The following COMMD10 variants were observed in gnomAD, a reference collection of about 807,000 sequenced individuals.
COMMD10 encodes COMM domain-containing protein 10.
A neutral mutation model predicts 28.9 loss-of-function variants in COMMD10; 33 were observed. The observed-to-expected ratio is 1.14, with a 90% CI of 0.87 to 1.53. COMMD10 has a LOEUF of 1.53. COMMD10 is among the 40% of genes most tolerant of loss of function. The probability of loss-of-function intolerance (pLI) is 0.00; values close to 1 mark genes in which losing one functional copy is unlikely to be tolerated. For synonymous variants in COMMD10, 110 were observed against 81.7 expected (o/e 1.35, Z -1.87); for missense variants, 310 against 233.4 (o/e 1.33, Z -2.14).
chr5:116,219,054 G>T (rs1749176847), intron 5 of COMMD10, among the ~76,000 whole-genome samples: 1 of 152,092 alleles, frequency 6.6e-6, no homozygotes, highest in Admixed American at 6.6e-5. Flanking sequence ...GCTACCAGGT[G>T]TCTGCTTTAA....
chr5:116,178,381 AC>A (rs755406271), intron 5 of COMMD10, among the ~76,000 whole-genome samples: 4 of 152,114 alleles, frequency 2.6e-5, no homozygotes, highest in Non-Finnish European at 4.4e-5. Flanking sequence ...CTTAAACAAA[AC>A]TTACTTTATA....
In COMMD10 at chr5:116,261,168, AT is replaced by A. The variant is rs1335519628; in HGVS notation, c.511-30346del. On this transcript the variant is annotated intron_variant, in intron 5 of 6. Coordinates refer to ENST00000274458, the MANE Select transcript of COMMD10 (RefSeq NM_016144.4). ...CAGGAAGAAAACTATAACTAATTAAATTTCTCAGTACTACCTAATTTGCCAA... is the reference window on the plus strand; with the variant it reads ...CAGGAAGAAAACTATAACTAATTAAATTCTCAGTACTACCTAATTTGCCAA... 6.6e-5 allele frequency among the ~76,000 whole-genome samples: 10 copies of A among 151,914 alleles called. No homozygotes were observed. In the South Asian group the frequency reaches 1.7e-3, roughly 25 times the overall value.
intron 5 of COMMD10, among the ~76,000 whole-genome samples, chr5:116,196,328 G>T (rs531057456): frequency 9.9e-5 from 15 of 152,016 alleles, no homozygotes; most frequent in Non-Finnish European, 2.2e-4. Context: ...TGATACAGTG[G>T]ACTTCGAGGA....
chr5:116,263,387 A>G (rs1235591714), intron 5 of COMMD10, among the ~76,000 whole-genome samples: 2 of 151,772 alleles, frequency 1.3e-5, no homozygotes, highest in Non-Finnish European at 2.9e-5. Flanking sequence ...AGACAAGGAA[A>G]AAATATTTAA....
At chr5:116,272,273 TAA>T (rs1200187846) in intron 5 of COMMD10, among the ~76,000 whole-genome samples, 1 of 151,704 alleles carries the variant, frequency 6.6e-6, no homozygotes, top group African/African-American at 2.4e-5. Flanking sequence ...GATCAGGAAA[TAA>T]AAAGTCAGAG....
At chr5:116,215,961 G>C (rs1159735957) in intron 5 of COMMD10, among the ~76,000 whole-genome samples, 1 of 151,548 alleles carries the variant, frequency 6.6e-6, no homozygotes, top group African/African-American at 2.4e-5. Context: ...TTAATATAGA[G>C]GTCAAAATAG....
chr5:116,103,646 C>T (rs1380990585), intron 4 of COMMD10, among the ~76,000 whole-genome samples: 1 of 152,206 alleles, frequency 6.6e-6, no homozygotes, highest in Non-Finnish European at 1.5e-5. Context: ...TTTTGCTGGG[C>T]AGAAGCCCTT....
chr5:116,215,716 ATATATATATATATATG>A (rs1284224332), intron 5 of COMMD10, among the ~76,000 whole-genome samples: 1 of 114,394 alleles, frequency 8.7e-6, no homozygotes, highest in Non-Finnish European at 1.8e-5. Context: ...ATATATATAT[ATATATATATATATATG>A]TATATATAAT....
chr5:116,227,553 C>A (rs928801527), intron 5 of COMMD10, among the ~76,000 whole-genome samples: 16 of 152,056 alleles, frequency 1.1e-4, no homozygotes, highest in African/African-American at 3.4e-4. Flanking sequence ...GTCTCCTCTG[C>A]CACAGGTAAT....
chr5:116,175,867 GGGGGAAT>G (rs1452621754), intron 5 of COMMD10, among the ~76,000 whole-genome samples: 1 of 152,092 alleles, frequency 6.6e-6, no homozygotes, highest in Non-Finnish European at 1.5e-5. Flanking sequence ...CTAGAGGCCA[GGGGGAAT>G]GAGGAGTAGG....
chr5:116,274,349 T>A (rs1750845185), intron 5 of COMMD10, among the ~76,000 whole-genome samples: 1 of 152,002 alleles, frequency 6.6e-6, no homozygotes, highest in South Asian at 2.1e-4. Context: ...TCTTTAAATT[T>A]GCAGACTATA....
At chr5:116,149,421 G>A (rs1752443868) in intron 5 of COMMD10, among the ~76,000 whole-genome samples, 1 of 148,404 alleles carries the variant, frequency 6.7e-6, no homozygotes, top group Non-Finnish European at 1.5e-5. Flanking sequence ...GATCCCTGAG[G>A]AATCGCCACA....
intron 5 of COMMD10, among the ~76,000 whole-genome samples, chr5:116,189,501 C>T (rs1427173003): frequency 1.3e-5 from 2 of 152,114 alleles, no homozygotes; most frequent in Non-Finnish European, 2.9e-5. Context: ...AAGTCTGTTT[C>T]TTCAGCTTCA....
At chr5:116,207,005 A>G (rs1043114241) in intron 5 of COMMD10, among the ~76,000 whole-genome samples, 6 of 152,168 alleles carry the variant, frequency 3.9e-5, no homozygotes, top group Admixed American at 2.6e-4. Flanking sequence ...TGCTATTTTA[A>G]TAGGCTTTTT....
intron 5 of COMMD10, among the ~76,000 whole-genome samples, chr5:116,135,545 T>G (rs1199133921): frequency 2.8e-4 from 42 of 152,310 alleles, no homozygotes; most frequent in Non-Finnish European, 8.8e-5. Flanking sequence ...TATGTGCAGT[T>G]TCACTTTCCA....
chr5:116,140,229 C>CTGTGTGTGTGTGTGTGTGTGTGTGTG (rs113427747), intron 5 of COMMD10, among the ~76,000 whole-genome samples: 2 of 122,244 alleles, frequency 1.6e-5, no homozygotes, highest in African/African-American at 8.6e-5. Flanking sequence ...ACTCATACTA[C>CTGTGTGTGTGTGTGTGTGTGTGTGTG]TATGTGTGTG....
At chr5:116,200,221 C>T (rs781740641) in intron 5 of COMMD10, among the ~76,000 whole-genome samples, 1 of 152,018 alleles carries the variant, frequency 6.6e-6, no homozygotes, top group Non-Finnish European at 1.5e-5. Context: ...GTTTTTTCTA[C>T]TATATATACT....
rs145801534 is a variant in COMMD10 at position 116,226,961 on chromosome 5, G to C, written c.511-64556G>C. Among the ~76,000 whole-genome samples the C allele has an allele frequency of 1.4e-4, 21 of 152,094 alleles. No individual in the cohort carries two copies. In the East Asian group the frequency reaches 2.9e-3, roughly 21 times the overall value. On this transcript the variant is annotated intron_variant, in intron 5 of 6. Transcript: ENST00000274458. ...CTCCCATTTCACTCTCATTTCATAT[G>C]AGTTCATATTATTTTATGCCCCAGG...
At chr5:116,129,250 G>A (rs921969613) in intron 4 of COMMD10, among the ~76,000 whole-genome samples, 34 of 150,618 alleles carry the variant, frequency 2.3e-4, no homozygotes, top group African/African-American at 8.3e-4. Flanking sequence ...GTTTACATTT[G>A]TTTTACGTTT....
Sources: allele counts gnomAD v4.1 joint callset (sites outside exome capture counted in the v4.1 genomes callset), GRCh38; gene constraint gnomAD v4.1.1; transcripts MANE v1.5; gene names NCBI Gene and HGNC (gene_info 2026-07-23, HGNC 2026-07-21).